The following HDAC7 variants were observed in gnomAD, a reference collection of about 807,000 sequenced individuals.
HDAC7 encodes histone deacetylase 7A.
In HDAC7, 26 loss-of-function variants were observed where a neutral mutation model predicts 115.5. That is an observed-to-expected ratio of 0.23 (90% CI 0.16 to 0.31). The LOEUF is 0.31. HDAC7 is among the 10% of genes least tolerant of loss of function. The pLI is 1.00. For missense variants in HDAC7, 1,068 were observed against 1,329.0 expected (o/e 0.80, Z 3.05); for synonymous variants, 564 against 550.9 (o/e 1.02, Z -0.33).
chr12:47,794,829 C>T lies in HDAC7; in HGVS notation c.1389G>A (p.Leu463=), dbSNP rs1193956006. The change falls in exon 12 of 26, where the codon CTG becomes CTA. Residue 463 remains leucine (L), a synonymous_variant. Coordinates refer to ENST00000080059, the MANE Select transcript of HDAC7 (RefSeq NM_015401.5). ...GCCCATGGCCCAGCTCCCTGTGCTC[C>T]AGGCCATCGTCCACCACCTGGCCCG... ...GGPGQVVDDG[L]EHRELGHGQP... is the part of the protein sequence containing the mutation. 2.5e-6 allele frequency: 4 copies of T among 1,613,260 alleles called. No homozygotes were observed. Among genetic ancestry groups the T allele is most frequent in the East Asian group, 4.5e-5 (2 of 44,882 alleles).
In HDAC7 at chr12:47,795,328, G is replaced by A. The variant is rs376734743; in HGVS notation, c.1140C>T (p.Thr380=). 3.8e-5 allele frequency: 61 copies of A among 1,612,834 alleles called. No individual in the cohort carries two copies. Among genetic ancestry groups the A allele is most frequent in the African/African-American group, 2.9e-4 (22 of 74,980 alleles). The stretch of plus-strand genomic sequence containing the variant: ...GGAGGCCTGACCCAGAGAGCCGCTC[G>A]GTGGTCATTAAGGACTGGGCAAAGT... ...PFHFAQSLMT[T]ERLSGSGLHW... is the part of the protein sequence containing the mutation. The change falls in exon 11 of 26, where the codon ACC becomes ACT. Residue 380 remains threonine (T), a synonymous_variant. Transcript: ENST00000080059. The surrounding 1 kb of genome is among the most constrained non-coding windows in gnomAD (Gnocchi z 4.3).
intron 1 of HDAC7, among the ~76,000 whole-genome samples, chr12:47,808,577 C>G (rs1223828242): frequency 6.6e-6 from 1 of 152,146 alleles, no homozygotes; most frequent in African/African-American, 2.4e-5. Flanking sequence ...TCTGGAGACC[C>G]TTGCTGTCCT....
At chr12:47,815,374 A>G (rs1443550672) in intron 1 of HDAC7, among the ~76,000 whole-genome samples, 1 of 152,192 alleles carries the variant, frequency 6.6e-6, no homozygotes, top group Non-Finnish European at 1.5e-5. Context: ...AGTCCTGGAC[A>G]GGTCTTAGAA....
intron 1 of HDAC7, among the ~76,000 whole-genome samples, chr12:47,806,402 C>T (rs865964358): frequency 1.3e-5 from 2 of 152,232 alleles, no homozygotes; most frequent in South Asian, 4.1e-4. Flanking sequence ...TCAGGCTGGG[C>T]GAGGTGGCTC....
At position 47,784,197 on chromosome 12, in the gene HDAC7, G is replaced by T; in HGVS notation, c.2812C>A (p.Gln938Lys). The part of the protein sequence containing the change: ...RVHSKYWGCM[Q>K]RLASCPDSWV... ...GAGTCTGGACAGGAGGCCAGGCGCT[G>T]CATGCAGCCCCAGTATTTACCTGGG... The change falls in exon 25 of 26, where the codon CAG becomes AAG. Residue 938 changes from glutamine to lysine, a missense_variant. Around this residue, in one of 6 missense-constraint regions of HDAC7, gnomAD observed 98 missense variants for 123.9 expected, o/e 0.79. Transcript: ENST00000080059. 1 of 1,612,276 alleles carries T rather than the reference G, an allele frequency of 6.2e-7. No homozygotes were observed. Among genetic ancestry groups the T allele is most frequent in the Non-Finnish European group, 8.5e-7 (1 of 1,179,264 alleles).
chr12:47,814,515 C>T (rs1435489991), intron 1 of HDAC7, among the ~76,000 whole-genome samples: 1 of 152,182 alleles, frequency 6.6e-6, no homozygotes, highest in Non-Finnish European at 1.5e-5. Flanking sequence ...TCTCAACATT[C>T]AGTATGGCCA....
In HDAC7 at chr12:47,790,946, G is replaced by A. The variant is rs181344713; in HGVS notation, c.1983+313C>T. 625 of 477,004 alleles carry A rather than the reference G, an allele frequency of 1.3e-3. 1 individual carries two copies. Among genetic ancestry groups the A allele is most frequent in the Non-Finnish European group, 2.0e-3 (532 of 266,288 alleles). 29.5% of individuals were successfully genotyped at this position (477,004 alleles called of 1,614,324 possible). A position where few individuals can be genotyped will look rare whatever the true frequency, so the allele number is the denominator to read the frequency against. ...CCTGGCGGCCAATGCCCAGTCATGGGGGTCTTTGAAGGGAGAGATGATCCT... is the reference window on the plus strand; with the variant it reads ...CCTGGCGGCCAATGCCCAGTCATGGAGGTCTTTGAAGGGAGAGATGATCCT... On this transcript the variant is annotated intron_variant, in intron 16 of 25. Transcript: ENST00000080059.
intron 16 of HDAC7, chr12:47,790,305 C>T (rs1370050878): frequency 1.3e-5 from 3 of 225,288 alleles, no homozygotes; most frequent in Non-Finnish European, 2.8e-5. Context: ...GCCGTCTGCA[C>T]CACTGTCTTC....
chr12:47,803,198 T>G lies in HDAC7; in HGVS notation c.20-924A>C. On this transcript the variant is annotated intron_variant, in intron 1 of 25. Coordinates refer to ENST00000080059, the MANE Select transcript of HDAC7 (RefSeq NM_015401.5). The surrounding 1 kb of genome is among the most constrained non-coding windows in gnomAD (Gnocchi z 4.0). ...CAGGACAGACACCTTTCCCTCTTGCTGTCCAGTTCAGGGTCAAGGGGACAG... is the reference window on the plus strand; with the variant it reads ...CAGGACAGACACCTTTCCCTCTTGCGGTCCAGTTCAGGGTCAAGGGGACAG... 6.6e-6 allele frequency among the ~76,000 whole-genome samples: 1 copy of G among 152,142 alleles called. No individual in the cohort carries two copies. Among genetic ancestry groups the G allele is most frequent in the South Asian group, 2.1e-4 (1 of 4,822 alleles).
chr12:47,809,719 C>T (rs1338123052), intron 1 of HDAC7, among the ~76,000 whole-genome samples: 2 of 146,598 alleles, frequency 1.4e-5, no homozygotes, highest in East Asian at 2.1e-4. Context: ...TACAGGCGTG[C>T]GCCAACATGC....
intron 7 of HDAC7, among the ~76,000 whole-genome samples, chr12:47,796,564 C>T (rs757615198): frequency 3.3e-5 from 5 of 151,954 alleles, no homozygotes; most frequent in Non-Finnish European, 7.4e-5. Context: ...GCTGGGACTA[C>T]AGGCATGCAC....
chr12:47,791,532 T>C, intron 15 of HDAC7, 54 bp downstream of exon 15: 3 of 1,563,612 alleles, frequency 1.9e-6, no homozygotes, highest in South Asian at 1.2e-5. Flanking sequence ...CAGGAGTGCA[T>C]GGGAGCTGGG....
upstream of HDAC7, among the ~76,000 whole-genome samples, chr12:47,820,962 C>T (rs1945003605): frequency 6.6e-6 from 1 of 152,206 alleles, no homozygotes; most frequent in Admixed American, 6.5e-5. The surrounding 1 kb of genome is among the most constrained non-coding windows in gnomAD (Gnocchi z 4.3). Flanking sequence ...GGCTAAGGAC[C>T]TCGCCATTGT....
rs908013581 is a variant in HDAC7, at chr12:47,798,484, A to G, written c.349+78T>C. 1.5e-6 allele frequency: 2 copies of G among 1,332,608 alleles called. No individual in the cohort carries two copies. The highest frequency in any genetic ancestry group is 2.9e-5 in the African/African-American group (2 of 68,666). The allele number at this position is 1,332,608 out of a possible 1,614,324, so 82.5% of individuals were successfully genotyped here. ...CAGCTGGCTGCGGCCCTCCCACCTC[A>G]CCCCTCACAAGCCACACAGGCAGCC... is the stretch of plus-strand genomic sequence containing the variant. On this transcript the variant is annotated intron_variant, in intron 4 of 25. Transcript: ENST00000080059. The surrounding 1 kb of genome is among the most constrained non-coding windows in gnomAD (Gnocchi z 4.3).
Position 47,802,375 on chromosome 12 carries a change from G to C in HDAC7, c.20-101C>G, listed in dbSNP as rs1944210551. 3.3e-6 allele frequency: 5 copies of C among 1,535,534 alleles called. 1 individual carries two copies. On this transcript the variant is annotated intron_variant, in intron 1 of 25. Transcript: ENST00000080059. Reference sequence around the variant, plus strand: ...CCAGGCCTGCTCCCTGCCACTCCAAGCTTGAGCACGCCAAAGCCTGGGACC... The same window carrying C: ...CCAGGCCTGCTCCCTGCCACTCCAACCTTGAGCACGCCAAAGCCTGGGACC...
upstream of HDAC7, chr12:47,820,031 G>C (rs1176468111): frequency 2.6e-5 from 4 of 153,176 alleles, no homozygotes; most frequent in Admixed American, 2.6e-4. This position sits in a 1 kb window ranked among gnomAD's most constrained non-coding sequence, Gnocchi z 4.3. Flanking sequence ...AGGCGCTCGC[G>C]GCCCTGGGAC....
chr12:47,812,731 G>C (rs937476293), intron 1 of HDAC7, among the ~76,000 whole-genome samples: 2 of 152,180 alleles, frequency 1.3e-5, no homozygotes, highest in African/African-American at 2.4e-5. Context: ...ACTAAGTGGG[G>C]CACAGAGAAA....
At chr12:47,794,723 A>G in intron 12 of HDAC7, 37 bp downstream of exon 12, 1 of 1,521,148 alleles carries the variant, frequency 6.6e-7, no homozygotes. Flanking sequence ...GAGTCTTCTG[A>G]GGACACTTTC....
At chr12:47,805,389 G>A (rs558102768) in intron 1 of HDAC7, among the ~76,000 whole-genome samples, 6 of 152,206 alleles carry the variant, frequency 3.9e-5, no homozygotes, top group South Asian at 2.1e-4. Context: ...CTTGATTAGC[G>A]GAAAAGGAAG....
Sources: gnomAD v4.1 joint callset for allele counts (sites outside exome capture counted in the v4.1 genomes callset) on GRCh38, gnomAD v4.1.1 for gene constraint, gnomAD v4.1.1 regional missense constraint, Gnocchi (gnomAD v3.1) non-coding constraint, MANE v1.5 for transcripts, NCBI Gene and HGNC (gene_info 2026-07-23, HGNC 2026-07-21) for gene names.